ATXN1: variants seen among roughly 807,000 people sequenced by gnomAD.
The protein encoded by ATXN1 is ataxin-1.
ATXN1 carries 8 observed loss-of-function variants against 56.4 expected under a neutral mutation model. The observed-to-expected ratio is 0.14, with a 90% CI of 0.08 to 0.26. The LOEUF is 0.26. Among genes scored for constraint, ATXN1 ranks in the 10% least tolerant of loss-of-function variants. The pLI is 1.00. For missense variants in ATXN1, 987 were observed against 1,106.5 expected, an observed-to-expected ratio of 0.89 and a Z score of 1.53; for synonymous variants, 514 against 494.6, an observed-to-expected ratio of 1.04 and a Z score of -0.52.
intron 5 of ATXN1, among the ~76,000 whole-genome samples, chr6:16,517,894 A>T (rs2113691371): frequency 6.6e-6 from 1 of 152,360 alleles, no homozygotes; most frequent in Middle Eastern, 3.4e-3. Context: ...GGCACCAGGG[A>T]TGTCCAGGTA....
intron 4 of ATXN1, among the ~76,000 whole-genome samples, chr6:16,564,536 G>C (rs1458406317): frequency 6.6e-6 from 1 of 152,196 alleles, no homozygotes; most frequent in Non-Finnish European, 1.5e-5. Context: ...AACAAGAAAT[G>C]AATGACTGAT....
At chr6:16,318,465 T>C (rs559314593) in intron 7 of ATXN1, among the ~76,000 whole-genome samples, 36 of 152,280 alleles carry the variant, frequency 2.4e-4, no homozygotes, top group African/African-American at 7.2e-4. Flanking sequence ...TAAGTCTGCA[T>C]GGTTACGTTC....
intron 4 of ATXN1, among the ~76,000 whole-genome samples, chr6:16,565,893 G>C (rs1293943979): frequency 6.6e-6 from 1 of 152,140 alleles, no homozygotes; most frequent in African/African-American, 2.4e-5. Flanking sequence ...ACTGAGGAAA[G>C]CACATCCGGC....
At chr6:16,614,831 G>T (rs890992336) in intron 3 of ATXN1, 2 of 151,584 alleles carry the variant, frequency 1.3e-5, no homozygotes, top group Non-Finnish European at 2.9e-5. Flanking sequence ...TCTGAGGCCG[G>T]AGAATCACTT....
intron 6 of ATXN1, among the ~76,000 whole-genome samples, chr6:16,465,618 G>A (rs1760089978): frequency 6.6e-6 from 1 of 152,158 alleles, no homozygotes; most frequent in Non-Finnish European, 1.5e-5. Context: ...TCTGGGGTGG[G>A]ATGAATGCAT....
At chr6:16,369,375 C>T (rs1761992505) in intron 6 of ATXN1, among the ~76,000 whole-genome samples, 1 of 152,184 alleles carries the variant, frequency 6.6e-6, no homozygotes, top group Non-Finnish European at 1.5e-5. Flanking sequence ...ATGAATAAAC[C>T]TGATCTCCAA....
chr6:16,733,802 G>A (rs146803875), intron 2 of ATXN1, among the ~76,000 whole-genome samples: 6,978 of 152,012 alleles, frequency 0.046, 272 homozygotes, highest in Admixed American at 0.12. Flanking sequence ...AGCCAAGATC[G>A]TGCCATTGCA....
At chr6:16,436,805 T>C (rs554058474) in intron 6 of ATXN1, among the ~76,000 whole-genome samples, 1 of 152,264 alleles carries the variant, frequency 6.6e-6, no homozygotes, top group African/African-American at 2.4e-5. Flanking sequence ...TGGAGGGTTT[T>C]GATCAGAGGA....
intron 2 of ATXN1, among the ~76,000 whole-genome samples, chr6:16,668,947 A>G (rs964131814): frequency 2.6e-5 from 4 of 152,114 alleles, no homozygotes; most frequent in Admixed American, 2.6e-4. Context: ...GACAGACTGC[A>G]GGAAGCCCAG....
At chr6:16,445,000 C>T (rs748136696) in intron 6 of ATXN1, among the ~76,000 whole-genome samples, 11 of 152,086 alleles carry the variant, frequency 7.2e-5, no homozygotes, top group Non-Finnish European at 1.6e-4. Flanking sequence ...GAAATTCTAC[C>T]AGACAAATGG....
At chr6:16,319,284 G>A (rs1320526270) in intron 7 of ATXN1, among the ~76,000 whole-genome samples, 1 of 152,076 alleles carries the variant, frequency 6.6e-6, no homozygotes, top group Non-Finnish European at 1.5e-5. Flanking sequence ...AGCTATCAGA[G>A]CAACAAGAAG....
Position 16,582,315 on chromosome 6 carries a change from G to A in ATXN1, c.-361+3465C>T, listed in dbSNP as rs185122660. ...CCCTGAGAACTGTAAACTCCATTAG[G>A]GCCAGTCTTTTGTCAATCTTGTTTT... is the stretch of plus-strand genomic sequence containing the variant. On this transcript the variant is annotated intron_variant, in intron 4 of 7. Coordinates refer to ENST00000436367, the MANE Select transcript of ATXN1 (RefSeq NM_001128164.2). 2.6e-5 allele frequency among the ~76,000 whole-genome samples: 4 copies of A among 152,228 alleles called. No individual in the cohort carries two copies. The East Asian group carries it at 7.7e-4, about 29-fold the overall frequency.
intron 6 of ATXN1, among the ~76,000 whole-genome samples, chr6:16,385,744 TTCTC>T (rs143487285): frequency 0.097 from 14,720 of 152,206 alleles, 754 homozygotes; most frequent in Non-Finnish European, 0.12. Context: ...AAAAATAACT[TTCTC>T]TATCTAACAT....
At chr6:16,545,248 T>C (rs1303170622) in intron 4 of ATXN1, among the ~76,000 whole-genome samples, 1 of 152,206 alleles carries the variant, frequency 6.6e-6, no homozygotes, top group African/African-American at 2.4e-5. Context: ...ATCATGAATG[T>C]TCCAGATTAA....
chr6:16,730,487 G>GTATGTATGTATA (rs1554128995), intron 2 of ATXN1, among the ~76,000 whole-genome samples: 31 of 132,056 alleles, frequency 2.3e-4, no homozygotes, highest in African/African-American at 8.0e-4. Flanking sequence ...AAAACAGTAT[G>GTATGTATGTATA]TATATATATA....
At chr6:16,311,925 A>T (rs536784379) in intron 7 of ATXN1, among the ~76,000 whole-genome samples, 10 of 152,280 alleles carry the variant, frequency 6.6e-5, no homozygotes, top group African/African-American at 2.4e-4. Flanking sequence ...CATTCAGAAG[A>T]CCAGAAGCCT....
At chr6:16,594,218 A>G (rs996643626) in intron 3 of ATXN1, among the ~76,000 whole-genome samples, 4 of 148,012 alleles carry the variant, frequency 2.7e-5, no homozygotes, top group African/African-American at 7.5e-5. Context: ...TTTTTTTTCT[A>G]TTAGAAACAA....
intron 6 of ATXN1, among the ~76,000 whole-genome samples, chr6:16,409,210 T>C (rs1386162685): frequency 6.6e-6 from 1 of 152,108 alleles, no homozygotes; most frequent in Admixed American, 6.6e-5. Context: ...TTTGCCCCGA[T>C]ATTTATACAT....
chr6:16,680,207 CTTGTTTTT>C (rs2113398566), intron 2 of ATXN1, among the ~76,000 whole-genome samples: 1 of 152,196 alleles, frequency 6.6e-6, no homozygotes, highest in South Asian at 2.1e-4. Context: ...GCTCTGTACT[CTTGTTTTT>C]TTCTGGTGGG....
Sources: allele counts gnomAD v4.1 joint callset (sites outside exome capture counted in the v4.1 genomes callset), GRCh38; gene constraint gnomAD v4.1.1; transcripts MANE v1.5; gene names NCBI Gene and HGNC (gene_info 2026-07-23, HGNC 2026-07-21).